The following CACNG5 variants were observed in gnomAD, a reference collection of about 807,000 sequenced individuals.
The protein encoded by CACNG5 is calcium voltage-gated channel auxiliary subunit gamma 5.
CACNG5 carries 18 observed loss-of-function variants against 24.8 expected under a neutral mutation model. That is an observed-to-expected ratio of 0.73 (90% CI 0.50 to 1.08). CACNG5 has a LOEUF of 1.08. Ranked by LOEUF, CACNG5 falls within the 50% of genes least tolerant of loss-of-function variation. The probability of loss-of-function intolerance (pLI) is 0.00; values close to 1 mark genes in which losing one functional copy is unlikely to be tolerated. For missense variants in CACNG5, 349 were observed against 367.9 expected (o/e 0.95, Z 0.42); for synonymous variants, 157 against 149.1 (o/e 1.05, Z -0.39).
Position 66,878,976 on chromosome 17 carries a change from G to A in CACNG5, c.201G>A (p.Glu67=). The change falls in exon 3 of 6, where the codon GAG becomes GAA. Residue 67 remains glutamate, a synonymous_variant. Coordinates refer to ENST00000533854, the MANE Select transcript of CACNG5 (RefSeq NM_145811.3). ...GLWRVCFLAG[E]ERGRCFTIEY... Reference sequence around the variant, plus strand: ...ATGTGATTCTTGTCTCCACAGGTGAGGAGCGGGGGCGTTGCTTCACCATAG... The same window carrying A: ...ATGTGATTCTTGTCTCCACAGGTGAAGAGCGGGGGCGTTGCTTCACCATAG... The A allele has an allele frequency of 3.1e-6, 5 of 1,612,596 alleles. No individual in the cohort carries two copies. The highest frequency in any genetic ancestry group is 4.2e-6 in the Non-Finnish European group (5 of 1,178,858).
At chr17:66,882,023 C>T (rs984852871) in intron 4 of CACNG5, among the ~76,000 whole-genome samples, 4 of 151,862 alleles carry the variant, frequency 2.6e-5, no homozygotes, top group South Asian at 2.1e-4. Context: ...TTTGGATTTT[C>T]GAATGACCAT....
At chr17:66,884,715 G>A in intron 5 of CACNG5, 54 bp downstream of exon 5, 1 of 1,614,152 alleles carries the variant, frequency 6.2e-7, no homozygotes, top group Non-Finnish European at 8.5e-7. Context: ...CTGCCCCACT[G>A]AGCCGGGGAG....
intron 1 of CACNG5, among the ~76,000 whole-genome samples, chr17:66,871,407 T>G (rs1001277627): frequency 1.1e-4 from 17 of 152,198 alleles, no homozygotes; most frequent in African/African-American, 4.1e-4. Context: ...TCCTTCCTCC[T>G]TCTCTCCAAT....
intron 1 of CACNG5, among the ~76,000 whole-genome samples, chr17:66,876,955 T>C (rs538804507): frequency 2.2e-4 from 34 of 151,258 alleles, no homozygotes; most frequent in African/African-American, 7.8e-4. Flanking sequence ...TTTTTGTATC[T>C]CCCATGTCTG....
chr17:66,879,155 A>G (rs937056048), intron 3 of CACNG5, 97 bp downstream of exon 3: 104 of 879,436 alleles, frequency 1.2e-4, no homozygotes, highest in Non-Finnish European at 1.9e-4. Flanking sequence ...CTCAAGAGGA[A>G]TGCCCTTAGA....
At position 66,893,279 on chromosome 17, in the gene CACNG5, T is replaced by C. The variant is rs987255102; in HGVS notation, c.*8039T>C. ...AATAATCCAGGTTCCCATCCAAAGA[T>C]AAATGGGGGAAGGAAAGGTCTAAAT... On this transcript the variant is annotated 3_prime_UTR_variant, in exon 6 of 6. Transcript: ENST00000533854. Among the ~76,000 whole-genome samples the C allele has an allele frequency of 6.6e-6, 1 of 152,106 alleles. No homozygotes were observed. Among genetic ancestry groups the C allele is most frequent in the Non-Finnish European group, 1.5e-5 (1 of 68,014 alleles).
At chr17:66,846,495 C>G (rs2143034753) in intron 1 of CACNG5, among the ~76,000 whole-genome samples, 1 of 152,252 alleles carries the variant, frequency 6.6e-6, no homozygotes, top group East Asian at 1.9e-4. Flanking sequence ...ACAAGTGGCC[C>G]CTGTGTCTGG....
rs1410559204 is a variant in CACNG5 at position 66,877,233 on chromosome 17, C to T, written c.-100C>T. On this transcript the variant is annotated 5_prime_UTR_variant, in exon 2 of 6. Coordinates refer to ENST00000533854, the MANE Select transcript of CACNG5 (RefSeq NM_145811.3). ...CTCCTCATCTTCGTCTTCTCAGAGC[C>T]GTGGGTACTGCCACCTGCTCACCCA... is the stretch of plus-strand genomic sequence containing the variant. 19 of 955,988 alleles carry T rather than the reference C, an allele frequency of 2.0e-5. No homozygotes were observed. Among genetic ancestry groups the T allele is most frequent in the Middle Eastern group, 3.4e-4 (1 of 2,980 alleles). The allele number at this position is 955,988 out of a possible 1,614,324, so 59.2% of individuals were successfully genotyped here.
Position 66,871,042 on chromosome 17 carries a change from G to A in CACNG5, c.-103-6188G>A, listed in dbSNP as rs556395761. Among the ~76,000 whole-genome samples, 85 of 151,968 alleles carry A rather than the reference G, an allele frequency of 5.6e-4. 1 individual carries two copies. In the South Asian group the frequency reaches 0.01, roughly 19 times the overall value. On this transcript the variant is annotated intron_variant, in intron 1 of 5. Transcript: ENST00000533854. ...CTTTATTTGTCAAAGCAGTCACAACGCTGCCTAGACTCAAGGACAGGAGAC... is the reference window on the plus strand; with the variant it reads ...CTTTATTTGTCAAAGCAGTCACAACACTGCCTAGACTCAAGGACAGGAGAC...
At chr17:66,855,224 T>C (rs1976758087) in intron 1 of CACNG5, among the ~76,000 whole-genome samples, 1 of 152,208 alleles carries the variant, frequency 6.6e-6, no homozygotes, top group Admixed American at 6.5e-5. Flanking sequence ...TCACATAAGC[T>C]GCAATGTTCC....
At chr17:66,877,596 G>T in intron 2 of CACNG5, 68 bp downstream of exon 2, 1 of 1,328,656 alleles carries the variant, frequency 7.5e-7, no homozygotes, top group South Asian at 1.3e-5. Context: ...GTCCCTCCCT[G>T]GGAAGAGATG....
chr17:66,861,025 G>GCACACA lies in CACNG5; in HGVS notation c.-103-16189_-103-16184dup, dbSNP rs140020871. 1.9e-3 allele frequency among the ~76,000 whole-genome samples: 281 copies of GCACACA among 150,304 alleles called. 1 individual carries two copies. Among genetic ancestry groups the GCACACA allele is most frequent in the East Asian group, 6.3e-3 (32 of 5,118 alleles). On this transcript the variant is annotated intron_variant, in intron 1 of 5. Coordinates refer to ENST00000533854, the MANE Select transcript of CACNG5 (RefSeq NM_145811.3). The stretch of plus-strand genomic sequence containing the variant: ...CATTTTATATATTGTGCACATGCAC[G>GCACACA]CACACACACACACACACACACCAGA...
intron 1 of CACNG5, among the ~76,000 whole-genome samples, chr17:66,839,830 C>T (rs1010555304): frequency 6.6e-6 from 1 of 152,144 alleles, no homozygotes; most frequent in African/African-American, 2.4e-5. Flanking sequence ...CAGGGCTGTT[C>T]CGCGCACGTG....
chr17:66,843,651 G>A (rs908407483), intron 1 of CACNG5, among the ~76,000 whole-genome samples: 1 of 152,100 alleles, frequency 6.6e-6, no homozygotes, highest in Non-Finnish European at 1.5e-5. Flanking sequence ...GATGCTGCAG[G>A]GGGGTGGTCC....
intron 1 of CACNG5, among the ~76,000 whole-genome samples, chr17:66,849,326 G>A (rs1053547587): frequency 4.6e-5 from 7 of 151,880 alleles, no homozygotes; most frequent in African/African-American, 9.7e-5. Flanking sequence ...GGGGGGAGCC[G>A]CACTGGGACG....
intron 2 of CACNG5, among the ~76,000 whole-genome samples, chr17:66,877,875 C>G (rs1396948951): frequency 6.6e-6 from 1 of 152,208 alleles, no homozygotes; most frequent in African/African-American, 2.4e-5. Flanking sequence ...AGTATTGATC[C>G]CATATAATTC....
Position 66,838,411 on chromosome 17 carries a change from G to T in CACNG5, c.-104+3161G>T, listed in dbSNP as rs145268786. ...GAGTTTTCCAGTGTGGGAGCAAGCA[G>T]AAGGGGGGACAGAGGGGTGAGAATT... On this transcript the variant is annotated intron_variant, in intron 1 of 5. Coordinates refer to ENST00000533854, the MANE Select transcript of CACNG5 (RefSeq NM_145811.3). 5.0e-4 allele frequency among the ~76,000 whole-genome samples: 75 copies of T among 151,460 alleles called. No homozygotes were observed. In the East Asian group the frequency reaches 0.014, roughly 29 times the overall value.
intron 1 of CACNG5, among the ~76,000 whole-genome samples, chr17:66,839,992 C>T (rs192398848): frequency 1.3e-4 from 20 of 152,310 alleles, no homozygotes; most frequent in African/African-American, 4.8e-4. Context: ...ATGTGGACTT[C>T]GGAGCCACAC....
At chr17:66,839,486 A>G (rs1976534184) in intron 1 of CACNG5, among the ~76,000 whole-genome samples, 1 of 152,052 alleles carries the variant, frequency 6.6e-6, no homozygotes, top group East Asian at 1.9e-4. Context: ...AGAAAGGTCA[A>G]GCAGGGTCAG....
Sources: gnomAD v4.1 joint callset for allele counts (sites outside exome capture counted in the v4.1 genomes callset) on GRCh38, gnomAD v4.1.1 for gene constraint, MANE v1.5 for transcripts, NCBI Gene and HGNC (gene_info 2026-07-23, HGNC 2026-07-21) for gene names.